PIKFYVE: variants seen among roughly 807,000 people sequenced by gnomAD.
PIKFYVE encodes 1-phosphatidylinositol 3-phosphate 5-kinase.
PIKFYVE carries 122 observed loss-of-function variants against 257.9 expected under a neutral mutation model. The ratio of observed to expected loss-of-function variants is 0.47; its 90% confidence interval spans 0.41 to 0.55. PIKFYVE has a LOEUF of 0.55. Ranked by LOEUF, PIKFYVE falls within the 20% of genes least tolerant of loss-of-function variation. The pLI is 0.00. For synonymous variants in PIKFYVE, 892 were observed against 868.9 expected (o/e 1.03, Z -0.47); for missense variants, 2,160 against 2,536.6 (o/e 0.85, Z 3.19).
chr2:208,309,580 C>T (rs545865054), intron 12 of PIKFYVE, among the ~76,000 whole-genome samples: 171 of 152,274 alleles, frequency 1.1e-3, no homozygotes, highest in Admixed American at 4.0e-3. Context: ...GAAAACCATG[C>T]TAAGGAAAGC....
intron 10 of PIKFYVE, 162 bp downstream of exon 10, chr2:208,302,515 TGATGAAAAAGCTGCCATTAGAATCAAACA>T (rs1238010953): frequency 1.5e-6 from 1 of 660,590 alleles, no homozygotes; most frequent in Admixed American, 2.5e-5. Context: ...TAGGCAGCAG[TGATGAAAAAGCTGCCATTAGAATCAAACA>T]TTTTATTGTT....
chr2:208,309,307 CAT>C (rs1348838877), intron 12 of PIKFYVE, among the ~76,000 whole-genome samples: 2 of 152,102 alleles, frequency 1.3e-5, no homozygotes, highest in Non-Finnish European at 2.9e-5. Flanking sequence ...CACAGTTAAA[CAT>C]AAAAGAATAA....
At chr2:208,268,056 A>G (rs1688903602) in intron 1 of PIKFYVE, among the ~76,000 whole-genome samples, 1 of 152,226 alleles carries the variant, frequency 6.6e-6, no homozygotes, top group Admixed American at 6.5e-5. Flanking sequence ...GTAGGTTAAT[A>G]GGACTGATTA....
At chr2:208,315,103 A>G in intron 14 of PIKFYVE, 90 bp from the exon 15 acceptor site, 3 of 1,181,016 alleles carry the variant, frequency 2.5e-6, no homozygotes, top group Non-Finnish European at 3.7e-6. Flanking sequence ...TGAAATGTTT[A>G]TTTCTTTGTA....
chr2:208,329,956 A>T, intron 22 of PIKFYVE, 43 bp downstream of exon 22: 2 of 1,600,864 alleles, frequency 1.2e-6, no homozygotes, highest in East Asian at 2.2e-5. Flanking sequence ...CACATTTTTG[A>T]TGCTCAAAAT....
chr2:208,284,558 G>A (rs1559054141), intron 5 of PIKFYVE, among the ~76,000 whole-genome samples: 1 of 150,566 alleles, frequency 6.6e-6, no homozygotes, highest in African/African-American at 2.4e-5. Flanking sequence ...ACCGTGCCCG[G>A]CCTTAACTTT....
intron 12 of PIKFYVE, among the ~76,000 whole-genome samples, chr2:208,306,004 G>T (rs2125373236): frequency 6.6e-6 from 1 of 152,284 alleles, no homozygotes; most frequent in East Asian, 1.9e-4. Flanking sequence ...CTAAGAATAT[G>T]ATCAGAAAAC....
At chr2:208,266,175 G>C (rs931286081), upstream of PIKFYVE, 3 of 152,396 alleles carry the variant, frequency 2.0e-5, no homozygotes, top group African/African-American at 7.2e-5. Context: ...CGTCGGCCGG[G>C]CTGGGAGGAG....
chr2:208,350,211 T>C, intron 36 of PIKFYVE, 128 bp downstream of exon 36: 3 of 1,374,904 alleles, frequency 2.2e-6, no homozygotes, highest in Non-Finnish European at 2.9e-6. Context: ...TAAGTCTTTA[T>C]GCTGACATGA....
intron 20 of PIKFYVE, 115 bp downstream of exon 20, chr2:208,326,544 C>A: frequency 8.7e-7 from 1 of 1,143,992 alleles, no homozygotes; most frequent in Non-Finnish European, 1.3e-6. Flanking sequence ...TGAAATATTT[C>A]TTCTCCTATG....
rs549777127 is a variant in PIKFYVE, at chr2:208,356,120, C to A, written c.*815C>A. The A allele has an allele frequency of 6.6e-6, 1 of 151,996 alleles. No individual in the cohort carries two copies. The highest frequency in any genetic ancestry group is 1.5e-5 in the Non-Finnish European group (1 of 68,026). The allele number at this position is 151,996 out of a possible 1,614,324, so 9.4% of individuals were successfully genotyped here. Reference sequence around the variant, plus strand: ...CATAGTAAATCATTAGTAAATGAGTCTGTAGTTACTAAACCCTAATGGAAT... The same window carrying A: ...CATAGTAAATCATTAGTAAATGAGTATGTAGTTACTAAACCCTAATGGAAT... On this transcript the variant is annotated 3_prime_UTR_variant, in exon 42 of 42. Coordinates refer to ENST00000264380, the MANE Select transcript of PIKFYVE (RefSeq NM_015040.4).
chr2:208,307,649 G>A (rs1454345429), intron 12 of PIKFYVE, among the ~76,000 whole-genome samples: 1 of 151,798 alleles, frequency 6.6e-6, no homozygotes, highest in African/African-American at 2.4e-5. Flanking sequence ...GTAGTAAGCA[G>A]AATGTATTGT....
Position 208,345,081 on chromosome 2 carries a change from TAACGTTTTTCAACC to T in PIKFYVE, c.5028-29_5028-16del, listed in dbSNP as rs1259287123. ...TACTTTTAAAGAAGAAGTTAATGTT[TAACGTTTTTCAACC>T]TATTTCTGCCCTAAGTTGTAAAGAA... On this transcript the variant is annotated splice_polypyrimidine_tract_variant and intron_variant, in intron 32 of 41. Transcript: ENST00000264380. 4.2e-6 allele frequency: 6 copies of T among 1,430,958 alleles called. No homozygotes were observed. The highest frequency in any genetic ancestry group is 2.0e-6 in the Non-Finnish European group (2 of 1,013,468). 88.6% of individuals were successfully genotyped at this position (1,430,958 alleles called of 1,614,324 possible). A position where few individuals can be genotyped will look rare whatever the true frequency, so the allele number is the denominator to read the frequency against.
chr2:208,318,068 G>A (rs1695759219), intron 16 of PIKFYVE, 127 bp downstream of exon 16: 10 of 1,003,702 alleles, frequency 1.0e-5, no homozygotes, highest in Non-Finnish European at 1.6e-5. Context: ...GTCTGCCATA[G>A]GGGTGAAATT....
rs183462521 is a variant in PIKFYVE at position 208,352,813 on chromosome 2, G to T, written c.5844+31G>T. ...GGTATTGGACTATGTGAAGCATTTAGCTACTGGAACCTTTTGTACCTTTGG... is the reference window on the plus strand; with the variant it reads ...GGTATTGGACTATGTGAAGCATTTATCTACTGGAACCTTTTGTACCTTTGG... On this transcript the variant is annotated intron_variant, in intron 39 of 41. Coordinates refer to ENST00000264380, the MANE Select transcript of PIKFYVE (RefSeq NM_015040.4). The T allele has an allele frequency of 7.2e-4, 1,164 of 1,608,092 alleles. 3 individuals carry two copies. In the Middle Eastern group the frequency reaches 0.011, roughly 15 times the overall value.
At chr2:208,308,892 G>C (rs886461269) in intron 12 of PIKFYVE, among the ~76,000 whole-genome samples, 9 of 152,070 alleles carry the variant, frequency 5.9e-5, no homozygotes, top group Non-Finnish European at 1.3e-4. Context: ...ATTTTTAGTA[G>C]AGACAGGGTT....
At chr2:208,302,095 C>T (rs1458506555) in intron 9 of PIKFYVE, 147 bp from the exon 10 acceptor site, 4 of 688,486 alleles carry the variant, frequency 5.8e-6, no homozygotes, top group Non-Finnish European at 1.0e-5. Flanking sequence ...TTAACTCTCT[C>T]GTTTCGTCCT....
At chr2:208,336,291 G>A (rs1034324194) in intron 27 of PIKFYVE, 91 bp downstream of exon 27, 26 of 1,439,492 alleles carry the variant, frequency 1.8e-5, no homozygotes, top group African/African-American at 1.1e-4. Context: ...AATTATGGAT[G>A]TTTCATTTTG....
intron 38 of PIKFYVE, 68 bp from the exon 39 acceptor site, chr2:208,352,586 C>CT: frequency 6.5e-7 from 1 of 1,541,804 alleles, no homozygotes; most frequent in East Asian, 2.3e-5. Flanking sequence ...ATGGATAATC[C>CT]TTATATTGGT....
Sources: gnomAD v4.1 joint callset for allele counts (sites outside exome capture counted in the v4.1 genomes callset) on GRCh38, gnomAD v4.1.1 for gene constraint, MANE v1.5 for transcripts, NCBI Gene and HGNC (gene_info 2026-07-23, HGNC 2026-07-21) for gene names.